Variants in ADGRB3 observed in about 807,000 individuals in gnomAD.
ADGRB3 encodes adhesion G protein-coupled receptor B3.
In ADGRB3, 37 loss-of-function variants were observed where a neutral mutation model predicts 193.4. The observed-to-expected ratio is 0.19, with a 90% CI of 0.15 to 0.25. The LOEUF is 0.25. ADGRB3 is among the 10% of genes least tolerant of loss of function. The pLI, the probability that ADGRB3 is intolerant of heterozygous loss-of-function variation, is 1.00. For synonymous variants in ADGRB3, 690 were observed against 644.2 expected, an observed-to-expected ratio of 1.07 and a Z score of -1.08; for missense variants, 1,637 against 1,852.9, an observed-to-expected ratio of 0.88 and a Z score of 2.14.
At chr6:68,787,832 G>A (rs549352857) in intron 3 of ADGRB3, among the ~76,000 whole-genome samples, 1 of 152,068 alleles carries the variant, frequency 6.6e-6, no homozygotes, top group Non-Finnish European at 1.5e-5. Context: ...CAATTTCAGA[G>A]CCTGTTATTG....
At chr6:69,141,369 C>T (rs1023623911) in intron 17 of ADGRB3, among the ~76,000 whole-genome samples, 9 of 151,880 alleles carry the variant, frequency 5.9e-5, no homozygotes, top group East Asian at 5.8e-4. Context: ...GTGATCCACC[C>T]GCCTCGGCCT....
intron 20 of ADGRB3, among the ~76,000 whole-genome samples, chr6:69,266,654 AC>A (rs1767047027): frequency 6.6e-6 from 1 of 152,060 alleles, no homozygotes; most frequent in African/African-American, 2.4e-5. Context: ...GTGTGCATAC[AC>A]AGATATATAC....
At chr6:68,760,925 A>G (rs1766384554) in intron 3 of ADGRB3, among the ~76,000 whole-genome samples, 1 of 152,232 alleles carries the variant, frequency 6.6e-6, no homozygotes. Context: ...AAATATTCAA[A>G]TACTATAATT....
intron 24 of ADGRB3, among the ~76,000 whole-genome samples, chr6:69,337,003 G>A (rs1201241903): frequency 6.6e-6 from 1 of 152,066 alleles, no homozygotes; most frequent in African/African-American, 2.4e-5. Flanking sequence ...GTAGGCATAG[G>A]TCTTCTAGTT....
intron 3 of ADGRB3, among the ~76,000 whole-genome samples, chr6:68,868,565 A>G (rs1765368223): frequency 1.3e-5 from 2 of 152,232 alleles, no homozygotes; most frequent in African/African-American, 2.4e-5. Context: ...TTAAGCAACT[A>G]TACAGTAGTT....
intron 30 of ADGRB3, among the ~76,000 whole-genome samples, chr6:69,375,427 A>G (rs1263302336): frequency 1.3e-5 from 2 of 152,074 alleles, no homozygotes; most frequent in African/African-American, 4.8e-5. Flanking sequence ...AATCTATGGA[A>G]TTTGGTCCTT....
chr6:68,773,814 C>A (rs1034446999), intron 3 of ADGRB3, among the ~76,000 whole-genome samples: 40 of 152,090 alleles, frequency 2.6e-4, no homozygotes, highest in Middle Eastern at 3.4e-3. Flanking sequence ...ATTACGGTAG[C>A]AGCAAGACCT....
chr6:69,230,928 G>A (rs913777874), intron 17 of ADGRB3, among the ~76,000 whole-genome samples: 1 of 152,200 alleles, frequency 6.6e-6, no homozygotes, highest in African/African-American at 2.4e-5. Context: ...GATAAAGTCA[G>A]TGAGGGGAAT....
chr6:68,870,494 G>T (rs1765425967), intron 3 of ADGRB3, among the ~76,000 whole-genome samples: 1 of 152,048 alleles, frequency 6.6e-6, no homozygotes, highest in Non-Finnish European at 1.5e-5. Flanking sequence ...TTTTATCTCA[G>T]ACCGTTTGCT....
At chr6:69,224,965 A>G (rs1167546470) in intron 17 of ADGRB3, among the ~76,000 whole-genome samples, 1 of 152,110 alleles carries the variant, frequency 6.6e-6, no homozygotes, top group African/African-American at 2.4e-5. Context: ...CACTCTCATC[A>G]TTATTCTGAA....
At chr6:68,873,230 A>G (rs1765508401) in intron 3 of ADGRB3, among the ~76,000 whole-genome samples, 1 of 152,162 alleles carries the variant, frequency 6.6e-6, no homozygotes, top group African/African-American at 2.4e-5. Flanking sequence ...TTAATATGTA[A>G]TATGATAAAC....
intron 3 of ADGRB3, among the ~76,000 whole-genome samples, chr6:68,926,540 G>A (rs944658152): frequency 2.0e-5 from 3 of 152,116 alleles, no homozygotes; most frequent in African/African-American, 7.2e-5. Context: ...AATGTAAGTA[G>A]GACGTAACTC....
intron 3 of ADGRB3, among the ~76,000 whole-genome samples, chr6:68,800,680 A>G (rs569635720): frequency 6.6e-6 from 1 of 152,320 alleles, no homozygotes; most frequent in Admixed American, 6.5e-5. Flanking sequence ...TTGCTGCCTA[A>G]GGTCGTGTAG....
intron 8 of ADGRB3, among the ~76,000 whole-genome samples, chr6:68,957,805 G>A (rs1768114776): frequency 6.6e-6 from 1 of 152,138 alleles, no homozygotes; most frequent in South Asian, 2.1e-4. Context: ...TCCAAAGTTA[G>A]TATTATAAAG....
chr6:68,729,928 G>T (rs899708123), intron 3 of ADGRB3, among the ~76,000 whole-genome samples: 9 of 151,174 alleles, frequency 6.0e-5, no homozygotes, highest in Non-Finnish European at 1.5e-5. Context: ...ATACAAAGAT[G>T]AATAAGAAAC....
intron 13 of ADGRB3, among the ~76,000 whole-genome samples, chr6:69,032,844 C>T (rs1770752577): frequency 6.6e-6 from 1 of 152,132 alleles, no homozygotes; most frequent in Non-Finnish European, 1.5e-5. Flanking sequence ...CTTGACTATA[C>T]CATGACTAAC....
intron 3 of ADGRB3, among the ~76,000 whole-genome samples, chr6:68,824,674 A>AACC (rs1251958944): frequency 6.7e-6 from 1 of 148,878 alleles, no homozygotes; most frequent in Non-Finnish European, 1.5e-5. Context: ...GTAATCATGC[A>AACC]ACCACCACCA....
intron 26 of ADGRB3, among the ~76,000 whole-genome samples, chr6:69,348,685 T>TGGAC (rs1442315100): frequency 4.0e-5 from 6 of 149,996 alleles, no homozygotes; most frequent in South Asian, 4.2e-4. Flanking sequence ...GAAGAGTAGG[T>TGGAC]GGACACAGAC....
rs57799400 is a variant in ADGRB3 at position 68,864,913 on chromosome 6, C to A, written c.758-65646C>A. Reference sequence around the variant, plus strand: ...GAATAGATTGTTGATTACAGCAGGGCCATTTTTCTCAGTCTTCTAAGGTTT... The same window carrying A: ...GAATAGATTGTTGATTACAGCAGGGACATTTTTCTCAGTCTTCTAAGGTTT... On this transcript the variant is annotated intron_variant, in intron 3 of 31. Transcript: ENST00000370598. 1.6e-3 allele frequency among the ~76,000 whole-genome samples: 249 copies of A among 152,150 alleles called. 3 individuals carry two copies. The highest frequency in any genetic ancestry group is 5.8e-3 in the African/African-American group (240 of 41,532).
Sources: allele counts gnomAD v4.1 joint callset (sites outside exome capture counted in the v4.1 genomes callset), GRCh38; gene constraint gnomAD v4.1.1; transcripts MANE v1.5; gene names NCBI Gene and HGNC (gene_info 2026-07-23, HGNC 2026-07-21).